MYRIP: variants seen among roughly 807,000 people sequenced by gnomAD.
MYRIP encodes rab effector MyRIP.
In MYRIP, 49 loss-of-function variants were observed where a neutral mutation model predicts 98.0. The observed-to-expected ratio is 0.50, with a 90% CI of 0.40 to 0.63. The LOEUF is 0.63. MYRIP is among the 30% of genes least tolerant of loss of function. The probability of loss-of-function intolerance (pLI) is 0.00; values close to 1 mark genes in which losing one functional copy is unlikely to be tolerated. For missense variants in MYRIP, 1,004 were observed against 1,058.2 expected (o/e 0.95, Z 0.71); for synonymous variants, 404 against 409.5 (o/e 0.99, Z 0.16).
chr3:40,169,074 T>C (rs1950557490), intron 7 of MYRIP, among the ~76,000 whole-genome samples: 1 of 151,966 alleles, frequency 6.6e-6, no homozygotes, highest in Non-Finnish European at 1.5e-5. Context: ...AAACAAATGA[T>C]CTCCCCCCAT....
intron 12 of MYRIP, among the ~76,000 whole-genome samples, chr3:40,234,646 C>A (rs1952773136): frequency 6.6e-6 from 1 of 152,070 alleles, no homozygotes; most frequent in Non-Finnish European, 1.5e-5. Flanking sequence ...GAAGTGGTTG[C>A]CAGAAGAACT....
chr3:39,988,963 C>T (rs1474103896), intron 2 of MYRIP, among the ~76,000 whole-genome samples: 1 of 151,842 alleles, frequency 6.6e-6, no homozygotes. Context: ...AGAACATGCT[C>T]GGTTAGCTCA....
At chr3:39,924,283 A>G (rs1179888369) in intron 2 of MYRIP, among the ~76,000 whole-genome samples, 1 of 152,124 alleles carries the variant, frequency 6.6e-6, no homozygotes, top group Non-Finnish European at 1.5e-5. Flanking sequence ...GTAAAAGTAT[A>G]GAACTATATA....
intron 1 of MYRIP, among the ~76,000 whole-genome samples, chr3:39,818,998 C>T (rs554351479): frequency 1.3e-5 from 2 of 152,132 alleles, no homozygotes; most frequent in Non-Finnish European, 2.9e-5. Context: ...TTGACCTTTT[C>T]ATTTTGAATA....
At chr3:40,233,625 A>T (rs1353921897) in intron 11 of MYRIP, among the ~76,000 whole-genome samples, 4 of 152,196 alleles carry the variant, frequency 2.6e-5, no homozygotes, top group African/African-American at 9.6e-5. Context: ...TCCCTCACCA[A>T]GAATCTGAAA....
intron 1 of MYRIP, among the ~76,000 whole-genome samples, chr3:39,816,312 G>T (rs1940909650): frequency 2.0e-5 from 3 of 152,118 alleles, no homozygotes; most frequent in Admixed American, 6.5e-5. Context: ...TCGATCTCCT[G>T]ACCTCATGAT....
chr3:40,052,881 T>C (rs954303521), intron 3 of MYRIP, among the ~76,000 whole-genome samples: 15 of 152,160 alleles, frequency 9.9e-5, no homozygotes, highest in African/African-American at 3.6e-4. Context: ...TATATTAAAA[T>C]GTTAGATTGA....
chr3:40,046,549 T>C (rs1025507528), intron 3 of MYRIP, among the ~76,000 whole-genome samples: 2 of 145,672 alleles, frequency 1.4e-5, no homozygotes, highest in African/African-American at 2.6e-5. Context: ...AGGGGTTTCA[T>C]GGAAAAGGAG....
intron 2 of MYRIP, among the ~76,000 whole-genome samples, chr3:39,953,374 T>A (rs1231785776): frequency 6.6e-6 from 1 of 152,218 alleles, no homozygotes; most frequent in Non-Finnish European, 1.5e-5. Context: ...AATCATTCAC[T>A]TTTGGAGAGA....
rs1559424760 is a variant in MYRIP at position 40,155,921 on chromosome 3, A to G, written c.469+4737A>G. ...TTTGTCAGATGAGTAGGTTGCAAAA[A>G]TTTTCTCCCATTTTGTAGGTTGCCT... is the stretch of plus-strand genomic sequence containing the variant. On this transcript the variant is annotated intron_variant, in intron 4 of 16. Transcript: ENST00000302541. 5.3e-5 allele frequency among the ~76,000 whole-genome samples: 8 copies of G among 151,136 alleles called. No homozygotes were observed. In the South Asian group the frequency reaches 1.7e-3, roughly 32 times the overall value.
intron 3 of MYRIP, among the ~76,000 whole-genome samples, chr3:40,047,082 A>G (rs1237223938): frequency 6.6e-6 from 1 of 152,210 alleles, no homozygotes; most frequent in Non-Finnish European, 1.5e-5. Flanking sequence ...CCCATCACCT[A>G]TAAATGGAAG....
intron 3 of MYRIP, among the ~76,000 whole-genome samples, chr3:40,075,281 T>C (rs1434606763): frequency 6.6e-6 from 1 of 152,188 alleles, no homozygotes; most frequent in Admixed American, 6.5e-5. Flanking sequence ...GTGGCAAAGA[T>C]ACAAATAAGT....
chr3:40,175,144 T>TA lies in MYRIP; in HGVS notation c.873+5058dup, dbSNP rs747708910. The stretch of plus-strand genomic sequence containing the variant: ...TGTCTCAAAAATAATAAAATAAAAA[T>TA]AAAAAAATAAAGATAAATGTTATTG... On this transcript the variant is annotated intron_variant, in intron 8 of 16. Coordinates refer to ENST00000302541, the MANE Select transcript of MYRIP (RefSeq NM_015460.4). 5.0e-3 allele frequency among the ~76,000 whole-genome samples: 591 copies of TA among 117,658 alleles called. 4 individuals carry two copies. Among genetic ancestry groups the TA allele is most frequent in the South Asian group, 8.9e-3 (31 of 3,488 alleles). 77.2% of individuals were successfully genotyped at this position (117,658 alleles called of 152,430 possible).
At chr3:39,816,807 CT>C (rs1314607719) in intron 1 of MYRIP, among the ~76,000 whole-genome samples, 1 of 152,092 alleles carries the variant, frequency 6.6e-6, no homozygotes, top group African/African-American at 2.4e-5. Flanking sequence ...CACTTAGTTG[CT>C]TTTGAAATTT....
chr3:40,001,522 G>C, intron 2 of MYRIP, among the ~76,000 whole-genome samples: 1 of 152,160 alleles, frequency 6.6e-6, no homozygotes, highest in East Asian at 1.9e-4. Context: ...GAAATGGTAG[G>C]AATCATTCAA....
intron 3 of MYRIP, among the ~76,000 whole-genome samples, chr3:40,138,086 C>T (rs1452111295): frequency 6.6e-6 from 1 of 152,340 alleles, no homozygotes; most frequent in African/African-American, 2.4e-5. Context: ...AGACAGGTCA[C>T]CATAGAATCT....
At chr3:39,907,068 C>T (rs897049077) in intron 2 of MYRIP, among the ~76,000 whole-genome samples, 1 of 151,948 alleles carries the variant, frequency 6.6e-6, no homozygotes, top group African/African-American at 2.4e-5. Context: ...CCCATGGTAA[C>T]TCTTGAGTAC....
intron 2 of MYRIP, among the ~76,000 whole-genome samples, chr3:39,979,914 T>A (rs1945848100): frequency 6.6e-6 from 1 of 152,180 alleles, no homozygotes. Context: ...TTTTACAAGA[T>A]CTGTTTAAAT....
chr3:39,900,386 A>G (rs1943714471), intron 1 of MYRIP, among the ~76,000 whole-genome samples: 1 of 151,510 alleles, frequency 6.6e-6, no homozygotes, highest in Non-Finnish European at 1.5e-5. Context: ...TTATTTTTAT[A>G]AAATAATTAT....
Sources: allele counts gnomAD v4.1 joint callset (sites outside exome capture counted in the v4.1 genomes callset), GRCh38; gene constraint gnomAD v4.1.1; transcripts MANE v1.5; gene names NCBI Gene and HGNC (gene_info 2026-07-23, HGNC 2026-07-21).